Variants in EPHB1 observed in about 807,000 individuals in gnomAD.
EPHB1 encodes ephrin type-B receptor 1.
Under a neutral mutation model 94.4 loss-of-function variants are expected in EPHB1, and 30 were observed. The observed-to-expected ratio is 0.32, with a 90% CI of 0.24 to 0.43. The LOEUF (loss-of-function observed/expected upper bound fraction) is 0.43, where lower values mean the gene tolerates loss of function less well. Ranked by LOEUF, EPHB1 falls within the 20% of genes least tolerant of loss-of-function variation. EPHB1 has a pLI of 1.00. For missense variants in EPHB1, 1,055 were observed against 1,308.3 expected (o/e 0.81, Z 2.99); for synonymous variants, 522 against 489.1 (o/e 1.07, Z -0.89).
chr3:134,921,365 G>A (rs970611593), intron 1 of EPHB1, among the ~76,000 whole-genome samples: 11 of 152,126 alleles, frequency 7.2e-5, no homozygotes, highest in African/African-American at 2.4e-4. Context: ...TACACACAGG[G>A]CGAATCTCCC....
In EPHB1 at chr3:134,960,107, C is replaced by T. The variant is rs575253610; in HGVS notation, c.805+8055C>T. Among the ~76,000 whole-genome samples the T allele has an allele frequency of 4.7e-5, 7 of 150,488 alleles. No homozygotes were observed. In the South Asian group the frequency reaches 1.5e-3, roughly 32 times the overall value. On this transcript the variant is annotated intron_variant, in intron 3 of 15. Coordinates refer to ENST00000398015, the MANE Select transcript of EPHB1 (RefSeq NM_004441.5). Reference sequence around the variant, plus strand: ...GCAGTGGAGTCTTTTGGTTCTGGGCCCTTAGGAGCCCTGAGAGATCTGAGT... The same window carrying T: ...GCAGTGGAGTCTTTTGGTTCTGGGCTCTTAGGAGCCCTGAGAGATCTGAGT...
chr3:135,105,789 C>T (rs897144425), intron 3 of EPHB1, among the ~76,000 whole-genome samples: 2 of 152,162 alleles, frequency 1.3e-5, no homozygotes, highest in East Asian at 1.9e-4. Context: ...GTCATCCTTT[C>T]CTTGCCCCAC....
intron 5 of EPHB1, among the ~76,000 whole-genome samples, chr3:135,134,061 A>T (rs1009588859): frequency 2.6e-5 from 4 of 152,254 alleles, no homozygotes; most frequent in Non-Finnish European, 4.4e-5. Flanking sequence ...ATACCAAGGG[A>T]GTTAGAGAAA....
At chr3:134,811,251 T>TGTTTGTTTG (rs1560243636) in intron 1 of EPHB1, among the ~76,000 whole-genome samples, 3 of 97,154 alleles carry the variant, frequency 3.1e-5, no homozygotes, top group African/African-American at 1.4e-4. Context: ...GGTTTTTTTT[T>TGTTTGTTTG]TTTTTTTTTT....
intron 10 of EPHB1, among the ~76,000 whole-genome samples, chr3:135,180,783 T>C (rs989463982): frequency 1.4e-4 from 21 of 152,222 alleles, no homozygotes; most frequent in Admixed American, 1.0e-3. Flanking sequence ...CTAAAAGAAA[T>C]CTCATTCCTG....
Position 134,795,817 on chromosome 3 carries a change from G to C in EPHB1, c.58+128G>C. 3.7e-6 allele frequency: 4 copies of C among 1,084,080 alleles called. No homozygotes were observed. The South Asian group carries it at 5.4e-5, about 15-fold the overall frequency. 67.2% of individuals were successfully genotyped at this position (1,084,080 alleles called of 1,614,324 possible). On this transcript the variant is annotated intron_variant, in intron 1 of 15. Coordinates refer to ENST00000398015, the MANE Select transcript of EPHB1 (RefSeq NM_004441.5). ...GCATCCCGGGACCCGAGGGCAAGGA[G>C]GTTTGGGAGCCTCGGCCGCTGCCGA...
rs138802786 is a variant in EPHB1 at position 135,192,143 on chromosome 3, T to A, written c.1883-433T>A. ...AGTGTAGGAACATAAACAGTATACA[T>A]CTCATTCAGAGGGCCAAAGTACCTG... is the stretch of plus-strand genomic sequence containing the variant. On this transcript the variant is annotated intron_variant, in intron 10 of 15. Transcript: ENST00000398015. Among the ~76,000 whole-genome samples, 137 of 152,322 alleles carry A rather than the reference T, an allele frequency of 9.0e-4. 1 individual carries two copies. In the East Asian group the frequency reaches 0.019, roughly 21 times the overall value.
In EPHB1 at chr3:134,945,089, C is replaced by A. The variant is rs372125109; in HGVS notation, c.124-6282C>A. ...GAACAGTTTGTTGATACCCTTTGCC[C>A]AATTTTCTATCTTGTTATTGACTTA... On this transcript the variant is annotated intron_variant, in intron 2 of 15. Transcript: ENST00000398015. 5.3e-5 allele frequency among the ~76,000 whole-genome samples: 8 copies of A among 152,236 alleles called. No individual in the cohort carries two copies. In the East Asian group the frequency reaches 9.6e-4, roughly 18 times the overall value.
chr3:135,074,187 G>C (rs1294432029), intron 3 of EPHB1, among the ~76,000 whole-genome samples: 1 of 152,170 alleles, frequency 6.6e-6, no homozygotes, highest in South Asian at 2.1e-4. Flanking sequence ...GCATATAAAT[G>C]CTTGATTCTC....
At chr3:134,964,059 A>C (rs909335200) in intron 3 of EPHB1, among the ~76,000 whole-genome samples, 3 of 152,230 alleles carry the variant, frequency 2.0e-5, no homozygotes, top group African/African-American at 7.2e-5. Context: ...TGCATCTCTG[A>C]ATCCCTACTT....
At chr3:134,804,430 C>A (rs1560240337) in intron 1 of EPHB1, among the ~76,000 whole-genome samples, 1 of 91,692 alleles carries the variant, frequency 1.1e-5, no homozygotes, top group Non-Finnish European at 3.0e-5. Flanking sequence ...GGAGCTACAA[C>A]TCAAGTTAAG....
intron 7 of EPHB1, among the ~76,000 whole-genome samples, chr3:135,162,798 C>T (rs568746642): frequency 1.3e-5 from 2 of 152,326 alleles, no homozygotes; most frequent in South Asian, 4.1e-4. Flanking sequence ...ATCTGCCCCA[C>T]TCCTCTGAGA....
intron 3 of EPHB1, among the ~76,000 whole-genome samples, chr3:135,043,619 T>C (rs1308420943): frequency 6.6e-6 from 1 of 152,222 alleles, no homozygotes; most frequent in Non-Finnish European, 1.5e-5. Flanking sequence ...TCTCTGTGTC[T>C]GGTTTGTGAC....
chr3:135,183,010 CT>C (rs1292955575), intron 10 of EPHB1, among the ~76,000 whole-genome samples: 1 of 65,728 alleles, frequency 1.5e-5, no homozygotes, highest in Non-Finnish European at 3.5e-5. Flanking sequence ...CTTTTCTTTT[CT>C]TTTCTTTTCT....
At chr3:135,151,810 G>T (rs1427617203) in intron 5 of EPHB1, among the ~76,000 whole-genome samples, 1 of 152,154 alleles carries the variant, frequency 6.6e-6, no homozygotes, top group Non-Finnish European at 1.5e-5. Flanking sequence ...ACACCGTAAA[G>T]GTTGAGATAC....
At chr3:135,127,767 C>T (rs922159814) in intron 4 of EPHB1, among the ~76,000 whole-genome samples, 9 of 152,160 alleles carry the variant, frequency 5.9e-5, no homozygotes, top group Non-Finnish European at 1.2e-4. Context: ...CATTAAGAAG[C>T]AGGAGATTCT....
At chr3:135,195,181 A>AT (rs1942563729) in intron 11 of EPHB1, among the ~76,000 whole-genome samples, 1 of 151,940 alleles carries the variant, frequency 6.6e-6, no homozygotes, top group South Asian at 2.1e-4. Flanking sequence ...CAGTCACCTG[A>AT]TTGTACTTCA....
chr3:135,176,573 G>A (rs1273610443), intron 9 of EPHB1, among the ~76,000 whole-genome samples: 1 of 152,180 alleles, frequency 6.6e-6, no homozygotes, highest in Non-Finnish European at 1.5e-5. Context: ...TAGCAAAGCA[G>A]CACACCTCTC....
chr3:135,182,997 T>C (rs1942199295), intron 10 of EPHB1, among the ~76,000 whole-genome samples: 2 of 62,654 alleles, frequency 3.2e-5, no homozygotes, highest in African/African-American at 1.1e-4. Flanking sequence ...TTTCTTTTCT[T>C]TTCTTTTCTT....
Sources: gnomAD v4.1 joint callset for allele counts (sites outside exome capture counted in the v4.1 genomes callset) on GRCh38, gnomAD v4.1.1 for gene constraint, MANE v1.5 for transcripts, NCBI Gene and HGNC (gene_info 2026-07-23, HGNC 2026-07-21) for gene names.